ABI2: variants seen among roughly 807,000 people sequenced by gnomAD.
ABI2 encodes abelson interactor 2.
In ABI2, 25 loss-of-function variants were observed where a neutral mutation model predicts 59.2. That is an observed-to-expected ratio of 0.42 (90% CI 0.31 to 0.59). ABI2 has a LOEUF of 0.59. ABI2 is among the 20% of genes least tolerant of loss of function. The pLI is 0.14. For missense variants in ABI2, 545 were observed against 681.8 expected, an observed-to-expected ratio of 0.80 and a Z score of 2.23; for synonymous variants, 213 against 235.5, an observed-to-expected ratio of 0.90 and a Z score of 0.87.
intron 3 of ABI2, among the ~76,000 whole-genome samples, chr2:203,380,750 AC>A (rs1457183907): frequency 1.3e-5 from 2 of 152,186 alleles, no homozygotes; most frequent in Non-Finnish European, 2.9e-5. Context: ...TTATCAGCAG[AC>A]TTTTGGCATT....
At chr2:203,343,879 C>T (rs559363814) in intron 1 of ABI2, among the ~76,000 whole-genome samples, 8 of 152,216 alleles carry the variant, frequency 5.3e-5, no homozygotes, top group African/African-American at 1.9e-4. Flanking sequence ...CCTCTAATCT[C>T]AGCACTTTGG....
At chr2:203,374,648 C>G (rs1384963998) in intron 2 of ABI2, among the ~76,000 whole-genome samples, 1 of 151,490 alleles carries the variant, frequency 6.6e-6, no homozygotes, top group Non-Finnish European at 1.5e-5. Flanking sequence ...TATAAAAAAA[C>G]TGAAAATTAC....
chr2:203,367,219 C>A, intron 2 of ABI2, 175 bp downstream of exon 2: 2 of 847,218 alleles, frequency 2.4e-6, no homozygotes, highest in Non-Finnish European at 3.2e-6. Context: ...TGGTTATCTT[C>A]TCTGTGATTT....
At chr2:203,356,147 G>C (rs1485231689) in intron 1 of ABI2, among the ~76,000 whole-genome samples, 2 of 151,982 alleles carry the variant, frequency 1.3e-5, no homozygotes, top group Non-Finnish European at 2.9e-5. Flanking sequence ...CACACTTAAT[G>C]AGTGCAGTTA....
At chr2:203,390,641 AAAAG>A (rs1279487932) in intron 4 of ABI2, among the ~76,000 whole-genome samples, 1 of 152,168 alleles carries the variant, frequency 6.6e-6, no homozygotes, top group Admixed American at 6.5e-5. Context: ...CAGAAAAAAA[AAAAG>A]AAAGTTATCT....
chr2:203,395,133 T>C (rs1222703501), intron 6 of ABI2: 1 of 702,600 alleles, frequency 1.4e-6, no homozygotes. Context: ...TGTCAGGTTG[T>C]TTTTTGGTGG....
chr2:203,355,405 G>C (rs2091383625), intron 1 of ABI2: 1 of 178,364 alleles, frequency 5.6e-6, no homozygotes, highest in African/African-American at 2.3e-5. Context: ...CAGACTACTT[G>C]GGAGGCTGAG....
chr2:203,390,034 A>C (rs1417162157), intron 4 of ABI2, among the ~76,000 whole-genome samples: 1 of 152,168 alleles, frequency 6.6e-6, no homozygotes, highest in African/African-American at 2.4e-5. Context: ...TCCCATTGGA[A>C]CTAGGACATT....
chr2:203,364,734 A>ATT (rs35748117), intron 1 of ABI2, among the ~76,000 whole-genome samples: 1 of 141,774 alleles, frequency 7.1e-6, no homozygotes, highest in Non-Finnish European at 1.6e-5. Flanking sequence ...TATTTTTTTA[A>ATT]TTTTTTTTTT....
chr2:203,357,900 C>G (rs1559207806), intron 1 of ABI2, among the ~76,000 whole-genome samples: 1 of 151,994 alleles, frequency 6.6e-6, no homozygotes. Flanking sequence ...TCCCAAGTAG[C>G]TGGGACTACA....
At chr2:203,328,763 A>G (rs1290438361) in intron 1 of ABI2, 132 bp downstream of exon 1, 8 of 491,840 alleles carry the variant, frequency 1.6e-5, no homozygotes, top group Non-Finnish European at 2.9e-5. Context: ...GAGCTGGGTG[A>G]GGGCTGGGGC....
intron 2 of ABI2, 134 bp downstream of exon 2, chr2:203,367,178 G>T: frequency 1.6e-6 from 2 of 1,233,300 alleles, no homozygotes; most frequent in Non-Finnish European, 2.1e-6. Flanking sequence ...CTTAATATTA[G>T]GTTGTTTTTA....
chr2:203,402,408 CTGATA>C (rs377313451), intron 8 of ABI2, among the ~76,000 whole-genome samples, 163 bp from the exon 9 acceptor site: 2 of 152,298 alleles, frequency 1.3e-5, no homozygotes, highest in Admixed American at 6.5e-5. Flanking sequence ...CTTTTGTACT[CTGATA>C]TAATATCAGC....
chr2:203,425,974 T>C (rs1476875807), intron 11 of ABI2, among the ~76,000 whole-genome samples: 2 of 147,126 alleles, frequency 1.4e-5, no homozygotes, highest in African/African-American at 5.1e-5. Context: ...TGAACCGAGA[T>C]AGTGCCACTG....
intron 11 of ABI2, among the ~76,000 whole-genome samples, chr2:203,418,409 C>G (rs1241907348): frequency 6.6e-6 from 1 of 152,192 alleles, no homozygotes; most frequent in African/African-American, 2.4e-5. Flanking sequence ...GCAGTGATCT[C>G]AGGGCTTGAC....
At chr2:203,356,663 C>T (rs553361562) in intron 1 of ABI2, among the ~76,000 whole-genome samples, 58 of 152,242 alleles carry the variant, frequency 3.8e-4, no homozygotes, top group African/African-American at 1.4e-3. Flanking sequence ...AGCCACCATT[C>T]CAGTCCAAAT....
chr2:203,390,706 C>T (rs914519415), intron 4 of ABI2, among the ~76,000 whole-genome samples: 1 of 151,862 alleles, frequency 6.6e-6, no homozygotes, highest in South Asian at 2.1e-4. Context: ...TTGAGTTACT[C>T]TTTATTAAAA....
intron 4 of ABI2, among the ~76,000 whole-genome samples, chr2:203,384,256 C>T (rs954680476): frequency 6.7e-6 from 1 of 150,236 alleles, no homozygotes; most frequent in African/African-American, 2.5e-5. Context: ...GTACCTTGAA[C>T]TGGTTCCTGT....
chr2:203,417,186 T>C (rs2097927969), intron 11 of ABI2, 105 bp downstream of exon 11: 2 of 1,059,168 alleles, frequency 1.9e-6, no homozygotes, highest in South Asian at 2.3e-5. Flanking sequence ...GAAGTTCTAT[T>C]TATTTGTATT....
Sources: allele counts gnomAD v4.1 joint callset (sites outside exome capture counted in the v4.1 genomes callset), GRCh38; gene constraint gnomAD v4.1.1; transcripts MANE v1.5; gene names NCBI Gene and HGNC (gene_info 2026-07-23, HGNC 2026-07-21).